EPHX2: variants seen among roughly 807,000 people sequenced by gnomAD.
EPHX2 encodes the protein bifunctional epoxide hydrolase 2.
EPHX2 carries 74 observed loss-of-function variants against 78.7 expected under a neutral mutation model. That is an observed-to-expected ratio of 0.94 (90% CI 0.78 to 1.14). The LOEUF (loss-of-function observed/expected upper bound fraction) is 1.14. EPHX2 is among the 50% of genes most tolerant of loss of function. EPHX2 has a pLI of 0.00. For synonymous variants in EPHX2, 251 were observed against 255.2 expected, an observed-to-expected ratio of 0.98 and a Z score of 0.16; for missense variants, 715 against 702.5, an observed-to-expected ratio of 1.02 and a Z score of -0.20.
chr8:27,497,146 C>T (rs1813601934), intron 1 of EPHX2, among the ~76,000 whole-genome samples: 1 of 152,182 alleles, frequency 6.6e-6, no homozygotes, highest in Admixed American at 6.5e-5. Flanking sequence ...AAGTCAATTT[C>T]CTGGCCCTCA....
intron 1 of EPHX2, 38 bp downstream of exon 1, chr8:27,491,347 G>C (rs1407849195): frequency 1.4e-6 from 2 of 1,389,924 alleles, no homozygotes; most frequent in Admixed American, 3.0e-5. Context: ...GTGGGTCGGG[G>C]CCTCAGGAGG....
At chr8:27,521,238 C>T (rs537519162) in intron 10 of EPHX2, among the ~76,000 whole-genome samples, 3 of 152,216 alleles carry the variant, frequency 2.0e-5, no homozygotes, top group African/African-American at 7.2e-5. Flanking sequence ...GCTCTTTAAA[C>T]TTTCATCCCT....
intron 5 of EPHX2, among the ~76,000 whole-genome samples, chr8:27,508,088 G>A (rs558438953): frequency 6.6e-6 from 1 of 152,280 alleles, no homozygotes; most frequent in South Asian, 2.1e-4. Context: ...ATCGGTTGAT[G>A]TCAGGAGTTC....
chr8:27,525,998 A>G (rs771387492), intron 12 of EPHX2, among the ~76,000 whole-genome samples: 2 of 152,220 alleles, frequency 1.3e-5, no homozygotes, highest in African/African-American at 2.4e-5. Flanking sequence ...TCAGGAGTCA[A>G]CGTCACCTGG....
intron 12 of EPHX2, 55 bp downstream of exon 12, chr8:27,525,528 C>T: frequency 7.1e-7 from 1 of 1,402,330 alleles, no homozygotes; most frequent in South Asian, 1.2e-5. Context: ...CTTTCCCCTT[C>T]CTGTCTCCTT....
At chr8:27,522,962 CAA>C (rs539360462) in intron 11 of EPHX2, among the ~76,000 whole-genome samples, 13,527 of 63,160 alleles carry the variant, frequency 0.21, 400 homozygotes, top group Middle Eastern at 0.27. Flanking sequence ...ACTCCGTTTC[CAA>C]AAAAAAAAAA....
At chr8:27,508,903 T>G (rs528579084) in intron 5 of EPHX2, among the ~76,000 whole-genome samples, 1 of 150,362 alleles carries the variant, frequency 6.7e-6, no homozygotes, top group African/African-American at 2.5e-5. Context: ...ACACCAACTT[T>G]CCATTCAATG....
At chr8:27,518,781 C>A (rs1408826651) in intron 9 of EPHX2, among the ~76,000 whole-genome samples, 1 of 152,216 alleles carries the variant, frequency 6.6e-6, no homozygotes, top group Non-Finnish European at 1.5e-5. Flanking sequence ...ATCTCAGAAG[C>A]AATCATGGGT....
At chr8:27,506,813 C>T in intron 4 of EPHX2, 59 bp from the exon 5 acceptor site, 1 of 1,583,926 alleles carries the variant, frequency 6.3e-7, no homozygotes, top group South Asian at 1.2e-5. Flanking sequence ...ATAAAATAGC[C>T]CCTGTTTGCA....
At chr8:27,503,801 C>T in intron 3 of EPHX2, 38 bp downstream of exon 3, 1 of 1,591,146 alleles carries the variant, frequency 6.3e-7, no homozygotes, top group South Asian at 1.1e-5. Flanking sequence ...GGCCGAACCA[C>T]CCAGAACCCT....
chr8:27,544,397 C>T (rs750024326), intron 18 of EPHX2, 47 bp from the exon 19 acceptor site: 1 of 1,610,144 alleles, frequency 6.2e-7, no homozygotes, highest in Non-Finnish European at 8.5e-7. Context: ...TAGGTGCAGA[C>T]AAGTGTGAAT....
At chr8:27,539,638 G>C (rs150156059) in intron 14 of EPHX2, among the ~76,000 whole-genome samples, 2 of 152,296 alleles carry the variant, frequency 1.3e-5, no homozygotes, top group African/African-American at 4.8e-5. Context: ...TGGGTATGAA[G>C]CTGGGGCTGC....
At chr8:27,501,277 C>T (rs72475804) in intron 2 of EPHX2, among the ~76,000 whole-genome samples, 1,827 of 151,430 alleles carry the variant, frequency 0.012, 38 homozygotes, top group African/African-American at 0.042. Context: ...CATAAAAAAA[C>T]CTCAGTAATA....
intron 2 of EPHX2, among the ~76,000 whole-genome samples, chr8:27,502,842 A>G (rs1813850200): frequency 6.6e-6 from 1 of 152,208 alleles, no homozygotes; most frequent in South Asian, 2.1e-4. Flanking sequence ...TTCCAAATAT[A>G]GTCACATCAT....
chr8:27,518,935 C>T (rs1261895468), intron 9 of EPHX2, among the ~76,000 whole-genome samples: 1 of 152,254 alleles, frequency 6.6e-6, no homozygotes, highest in Non-Finnish European at 1.5e-5. Context: ...CCCTATCCTG[C>T]TGTTGTCCTC....
At chr8:27,514,116 G>A (rs191093914) in intron 6 of EPHX2, among the ~76,000 whole-genome samples, 5 of 152,258 alleles carry the variant, frequency 3.3e-5, no homozygotes, top group African/African-American at 9.6e-5. Context: ...CCAGGAGTTC[G>A]AGACCAGCCT....
chr8:27,497,246 G>A (rs866224553), intron 1 of EPHX2, among the ~76,000 whole-genome samples: 2 of 152,218 alleles, frequency 1.3e-5, no homozygotes, highest in Admixed American at 6.5e-5. Context: ...GGATCATCCG[G>A]TTGGGGGCTT....
intron 1 of EPHX2, 61 bp downstream of exon 1, chr8:27,491,370 G>T: frequency 8.0e-7 from 1 of 1,256,586 alleles, no homozygotes; most frequent in Non-Finnish European, 1.0e-6. Flanking sequence ...GACCGCGCTG[G>T]GCTTGCAGCC....
At chr8:27,541,709 C>G (rs1156488242) in intron 16 of EPHX2, among the ~76,000 whole-genome samples, 167 bp downstream of exon 16, 1 of 152,122 alleles carries the variant, frequency 6.6e-6, no homozygotes, top group Non-Finnish European at 1.5e-5. Context: ...AGGGGTTTCC[C>G]TAGGATCTTT....
Sources: allele counts gnomAD v4.1 joint callset (sites outside exome capture counted in the v4.1 genomes callset), GRCh38; gene constraint gnomAD v4.1.1; transcripts MANE v1.5; gene names NCBI Gene and HGNC (gene_info 2026-07-23, HGNC 2026-07-21).